The following CHST11 variants were observed in gnomAD, a reference collection of about 807,000 sequenced individuals.
CHST11 encodes C4S-1.
A neutral mutation model predicts 30.4 loss-of-function variants in CHST11; 9 were observed. The observed-to-expected ratio is 0.30, with a 90% CI of 0.18 to 0.52. CHST11 has a LOEUF of 0.52. Ranked by LOEUF, CHST11 falls within the 20% of genes least tolerant of loss-of-function variation. The probability of loss-of-function intolerance (pLI) is 0.97; values close to 1 mark genes in which losing one functional copy is unlikely to be tolerated. For synonymous variants in CHST11, 152 were observed against 187.8 expected, an observed-to-expected ratio of 0.81 and a Z score of 1.56; for missense variants, 348 against 460.6, an observed-to-expected ratio of 0.76 and a Z score of 2.24.
intron 2 of CHST11, among the ~76,000 whole-genome samples, chr12:104,687,754 C>T (rs1448520095): frequency 6.6e-6 from 1 of 152,136 alleles, no homozygotes; most frequent in African/African-American, 2.4e-5. Flanking sequence ...CTAGAATGAT[C>T]CTGTTTCAAA....
chr12:104,655,420 C>T (rs11112145), intron 2 of CHST11, among the ~76,000 whole-genome samples: 2 of 152,096 alleles, frequency 1.3e-5, no homozygotes, highest in African/African-American at 4.8e-5. Context: ...TGCTCTCACT[C>T]CCCCCAGCAT....
chr12:104,584,274 T>TC (rs1253156874), intron 1 of CHST11, among the ~76,000 whole-genome samples: 1 of 151,162 alleles, frequency 6.6e-6, no homozygotes, highest in East Asian at 1.9e-4. Context: ...TTTTTTTTTT[T>TC]TTCACAGCGT....
intron 1 of CHST11, among the ~76,000 whole-genome samples, chr12:104,572,143 G>A (rs1237554104): frequency 6.7e-6 from 1 of 149,194 alleles, no homozygotes; most frequent in Non-Finnish European, 1.5e-5. Flanking sequence ...TTTTTGCATC[G>A]ATGTTCATCA....
At chr12:104,542,331 T>C (rs2038293999) in intron 1 of CHST11, among the ~76,000 whole-genome samples, 1 of 152,222 alleles carries the variant, frequency 6.6e-6, no homozygotes, top group Admixed American at 6.5e-5. Flanking sequence ...TTATTCACAA[T>C]AGCCAAAAGG....
chr12:104,520,696 T>C (rs556278207), intron 1 of CHST11, among the ~76,000 whole-genome samples: 1 of 152,170 alleles, frequency 6.6e-6, no homozygotes, highest in South Asian at 2.1e-4. Flanking sequence ...TGCAGTGAAG[T>C]GTTCTGTGGC....
chr12:104,500,523 C>T (rs1196868006), intron 1 of CHST11, among the ~76,000 whole-genome samples: 2 of 149,164 alleles, frequency 1.3e-5, no homozygotes, highest in East Asian at 2.0e-4. Flanking sequence ...GAGACTTATT[C>T]GTTTTTTAGT....
chr12:104,741,978 G>T (rs1012320046), intron 2 of CHST11, among the ~76,000 whole-genome samples: 1 of 152,068 alleles, frequency 6.6e-6, no homozygotes, highest in Non-Finnish European at 1.5e-5. Context: ...CAGGTGAAAG[G>T]CAAAGCAACA....
intron 1 of CHST11, among the ~76,000 whole-genome samples, chr12:104,543,384 A>G (rs2038304413): frequency 6.6e-6 from 1 of 152,236 alleles, no homozygotes; most frequent in Non-Finnish European, 1.5e-5. Flanking sequence ...TGTGTCATGC[A>G]GTATTTTTCC....
chr12:104,698,076 T>C (rs2039962323), intron 2 of CHST11, among the ~76,000 whole-genome samples: 1 of 152,230 alleles, frequency 6.6e-6, no homozygotes, highest in Non-Finnish European at 1.5e-5. Context: ...CCTAGTTGAA[T>C]GCATCAGCAT....
At chr12:104,580,751 A>G (rs549521575) in intron 1 of CHST11, among the ~76,000 whole-genome samples, 110 of 152,160 alleles carry the variant, frequency 7.2e-4, no homozygotes, top group Admixed American at 1.5e-3. Flanking sequence ...AGGAAGGGGA[A>G]TTTTCATATT....
chr12:104,569,662 A>C (rs1368433007), intron 1 of CHST11, among the ~76,000 whole-genome samples: 2 of 152,190 alleles, frequency 1.3e-5, no homozygotes, highest in African/African-American at 4.8e-5. Context: ...TTTGGGGCCC[A>C]GATTCTAGGG....
intron 2 of CHST11, among the ~76,000 whole-genome samples, chr12:104,635,333 A>G (rs1300456973): frequency 1.3e-5 from 2 of 152,214 alleles, no homozygotes; most frequent in Non-Finnish European, 2.9e-5. Context: ...TTACTTGATT[A>G]CTTAAAGGCC....
chr12:104,566,469 C>G (rs2038568030), intron 1 of CHST11, among the ~76,000 whole-genome samples: 1 of 152,168 alleles, frequency 6.6e-6, no homozygotes, highest in Non-Finnish European at 1.5e-5. Context: ...AACAAAAACG[C>G]TTGGTTTCTC....
chr12:104,577,476 G>T (rs2038696593), intron 1 of CHST11, among the ~76,000 whole-genome samples: 1 of 151,962 alleles, frequency 6.6e-6, no homozygotes, highest in Non-Finnish European at 1.5e-5. Flanking sequence ...GGGATTATCG[G>T]GGTGGTAGGC....
intron 2 of CHST11, among the ~76,000 whole-genome samples, chr12:104,748,658 C>T (rs1211864155): frequency 1.3e-5 from 2 of 152,078 alleles, no homozygotes; most frequent in East Asian, 3.8e-4. Flanking sequence ...AAGAGAGAAG[C>T]CTCAGGGAAC....
At chr12:104,522,568 C>T (rs1043914148) in intron 1 of CHST11, among the ~76,000 whole-genome samples, 5 of 152,216 alleles carry the variant, frequency 3.3e-5, no homozygotes, top group Non-Finnish European at 1.5e-5. Flanking sequence ...TTCCCCCAGA[C>T]CACTCACTCA....
chr12:104,758,501 G>T lies in CHST11; in HGVS notation c.*698G>T, dbSNP rs1215946834. ...CTTTTTTAACAGGAATTTTAAACTG[G>T]CGGTGCCAGTTGCAGTGAAGGTGAA... On this transcript the variant is annotated 3_prime_UTR_variant, in exon 3 of 3. Transcript: ENST00000303694. 1.3e-5 allele frequency: 2 copies of T among 152,104 alleles called. No individual in the cohort carries two copies. Among genetic ancestry groups the T allele is most frequent in the African/African-American group, 4.8e-5 (2 of 41,384 alleles). 9.4% of individuals were successfully genotyped at this position (152,104 alleles called of 1,614,324 possible). A position where few individuals can be genotyped will look rare whatever the true frequency, so the allele number is the denominator to read the frequency against.
chr12:104,670,790 T>TCA (rs10655174), intron 2 of CHST11, among the ~76,000 whole-genome samples: 36,787 of 146,750 alleles, frequency 0.25, 6,100 homozygotes, highest in African/African-American at 0.48. Flanking sequence ...ACATACACTC[T>TCA]CACACACACC....
chr12:104,721,956 T>C (rs2040180396), intron 2 of CHST11, among the ~76,000 whole-genome samples: 1 of 152,160 alleles, frequency 6.6e-6, no homozygotes, highest in Non-Finnish European at 1.5e-5. Flanking sequence ...CACCTCTAAA[T>C]TCTCTGTGGG....
Sources: gnomAD v4.1 joint callset for allele counts (sites outside exome capture counted in the v4.1 genomes callset) on GRCh38, gnomAD v4.1.1 for gene constraint, MANE v1.5 for transcripts, NCBI Gene and HGNC (gene_info 2026-07-23, HGNC 2026-07-21) for gene names.